The following PRKD1 variants were observed in gnomAD, a reference collection of about 807,000 sequenced individuals.
PRKD1 encodes protein kinase D1, also known as serine/threonine-protein kinase D1.
In PRKD1, 63 loss-of-function variants were observed where a neutral mutation model predicts 95.9. The ratio of observed to expected loss-of-function variants is 0.66; its 90% CI spans 0.54 to 0.81. The LOEUF (loss-of-function observed/expected upper bound fraction) is 0.81. Ranked by LOEUF, PRKD1 falls within the 30% of genes least tolerant of loss-of-function variation. The probability of loss-of-function intolerance (pLI) is 0.00; values close to 1 mark genes in which losing one functional copy is unlikely to be tolerated. For synonymous variants in PRKD1, 425 were observed against 423.1 expected, an observed-to-expected ratio of 1.00 and a Z score of -0.05; for missense variants, 1,048 against 1,165.3, an observed-to-expected ratio of 0.90 and a Z score of 1.47.
chr14:29,816,205 A>G (rs7142169), intron 1 of PRKD1, among the ~76,000 whole-genome samples: 147,156 of 152,244 alleles, frequency 0.97, 71,160 homozygotes, highest in East Asian at 1. Flanking sequence ...GCAACAGAGC[A>G]AGACCAAGAG....
intron 4 of PRKD1, among the ~76,000 whole-genome samples, chr14:29,641,442 T>G (rs1490117426): frequency 6.6e-6 from 1 of 152,192 alleles, no homozygotes; most frequent in Non-Finnish European, 1.5e-5. Flanking sequence ...GGTGCATGCA[T>G]AGTAACGTAT....
At chr14:29,807,390 CTCT>C (rs1890279532) in intron 1 of PRKD1, among the ~76,000 whole-genome samples, 1 of 151,738 alleles carries the variant, frequency 6.6e-6, no homozygotes, top group South Asian at 2.1e-4. Flanking sequence ...TAGCAATTTC[CTCT>C]TTTTTTAAAA....
At chr14:29,895,956 C>T (rs944860670) in intron 1 of PRKD1, among the ~76,000 whole-genome samples, 1 of 152,220 alleles carries the variant, frequency 6.6e-6, no homozygotes, top group Non-Finnish European at 1.5e-5. Context: ...TTCTTACTCA[C>T]TATGCTTACT....
At chr14:29,737,315 C>T (rs45567341) in intron 1 of PRKD1, among the ~76,000 whole-genome samples, 22 of 102,818 alleles carry the variant, frequency 2.1e-4, no homozygotes, top group Admixed American at 1.1e-3. Flanking sequence ...GGCGACAGAG[C>T]GAGACTCCGT....
At chr14:29,831,704 C>T (rs1215862873) in intron 1 of PRKD1, among the ~76,000 whole-genome samples, 3 of 151,994 alleles carry the variant, frequency 2.0e-5, no homozygotes, top group Non-Finnish European at 4.4e-5. Context: ...TATGGGTTTT[C>T]AAGTTCTTAC....
chr14:29,843,694 C>G (rs2139322413), intron 1 of PRKD1, among the ~76,000 whole-genome samples: 1 of 152,296 alleles, frequency 6.6e-6, no homozygotes, highest in East Asian at 1.9e-4. Flanking sequence ...TAAGCAAAAG[C>G]AGACAAACAT....
chr14:29,827,562 A>T (rs1367243402), intron 1 of PRKD1, among the ~76,000 whole-genome samples: 1 of 152,160 alleles, frequency 6.6e-6, no homozygotes, highest in East Asian at 1.9e-4. Context: ...AAGTGATATG[A>T]CTGGAAAATT....
At chr14:29,827,565 G>C (rs1348061763) in intron 1 of PRKD1, among the ~76,000 whole-genome samples, 2 of 152,070 alleles carry the variant, frequency 1.3e-5, no homozygotes, top group African/African-American at 4.8e-5. Context: ...TGATATGACT[G>C]GAAAATTACA....
At chr14:29,577,579 C>T (rs922677528) in intron 17 of PRKD1, 123 bp from the exon 18 acceptor site, 1 of 923,860 alleles carries the variant, frequency 1.1e-6, no homozygotes. Context: ...AGCGCTGAAT[C>T]TTTCATCACG....
intron 4 of PRKD1, among the ~76,000 whole-genome samples, chr14:29,640,587 C>A (rs1880693315): frequency 6.6e-6 from 1 of 152,198 alleles, no homozygotes; most frequent in South Asian, 2.1e-4. Flanking sequence ...TTTGCCAAAC[C>A]AGAATCATGA....
intron 1 of PRKD1, among the ~76,000 whole-genome samples, chr14:29,856,554 A>G (rs989497210): frequency 6.6e-6 from 1 of 152,204 alleles, no homozygotes; most frequent in African/African-American, 2.4e-5. Context: ...CTGTCAGTAA[A>G]ATCTGCAGCA....
chr14:29,799,722 T>G (rs933728345), intron 1 of PRKD1, among the ~76,000 whole-genome samples: 35 of 152,218 alleles, frequency 2.3e-4, no homozygotes, highest in Admixed American at 2.3e-3. Context: ...ATTTGCAAAT[T>G]CATCTACTTG....
intron 1 of PRKD1, among the ~76,000 whole-genome samples, chr14:29,901,840 C>T (rs1894329757): frequency 1.3e-5 from 2 of 152,110 alleles, no homozygotes; most frequent in African/African-American, 4.8e-5. Flanking sequence ...ACAGGTATCG[C>T]CATCCCTGTT....
intron 1 of PRKD1, among the ~76,000 whole-genome samples, chr14:29,892,738 G>C (rs1305915256): frequency 6.6e-6 from 1 of 152,132 alleles, no homozygotes; most frequent in Admixed American, 6.5e-5. Flanking sequence ...ACACTGTCCT[G>C]TTGGTACTTT....
intron 1 of PRKD1, among the ~76,000 whole-genome samples, chr14:29,731,008 A>G (rs1000618657): frequency 6.6e-6 from 1 of 152,118 alleles, no homozygotes; most frequent in Non-Finnish European, 1.5e-5. Context: ...ATTTAAGTGT[A>G]CTTACCACAA....
At chr14:29,787,465 T>C (rs1450033121) in intron 1 of PRKD1, among the ~76,000 whole-genome samples, 1 of 152,080 alleles carries the variant, frequency 6.6e-6, no homozygotes, top group East Asian at 1.9e-4. Context: ...TTGGAGTCTA[T>C]CTGTTTAGCT....
intron 13 of PRKD1, among the ~76,000 whole-genome samples, chr14:29,617,578 T>A (rs1051482941): frequency 5.3e-5 from 8 of 152,132 alleles, no homozygotes; most frequent in Non-Finnish European, 1.2e-4. Flanking sequence ...TAAATGAAAG[T>A]TGCAATACAA....
chr14:29,835,348 C>T (rs1318516708), intron 1 of PRKD1, among the ~76,000 whole-genome samples: 1 of 152,088 alleles, frequency 6.6e-6, no homozygotes, highest in Non-Finnish European at 1.5e-5. Flanking sequence ...TCAACTTTTG[C>T]TTTCTCATGG....
At chr14:29,903,772 GCTGGGT>G (rs1292753510) in intron 1 of PRKD1, among the ~76,000 whole-genome samples, 1 of 152,152 alleles carries the variant, frequency 6.6e-6, no homozygotes, top group African/African-American at 2.4e-5. Flanking sequence ...GTTTATTAAG[GCTGGGT>G]ACTGAAGATG....
Sources: gnomAD v4.1 joint callset for allele counts (sites outside exome capture counted in the v4.1 genomes callset) on GRCh38, gnomAD v4.1.1 for gene constraint, MANE v1.5 for transcripts, NCBI Gene and HGNC (gene_info 2026-07-23, HGNC 2026-07-21) for gene names.